NDRG2: variants seen among roughly 807,000 people sequenced by gnomAD.
The protein encoded by NDRG2 is NDRG family member 2, also known as protein NDRG2.
NDRG2 carries 34 observed loss-of-function variants against 58.2 expected under a neutral mutation model. The ratio of observed to expected loss-of-function variants is 0.58; its 90% CI spans 0.44 to 0.78. The LOEUF (loss-of-function observed/expected upper bound fraction) is 0.78. NDRG2 is among the 30% of genes least tolerant of loss of function. The pLI is 0.00. For synonymous variants in NDRG2, 187 were observed against 175.9 expected (o/e 1.06, Z -0.50); for missense variants, 434 against 471.2 (o/e 0.92, Z 0.73).
upstream of NDRG2, among the ~76,000 whole-genome samples, chr14:21,026,140 ACACACG>A (rs1210561390): frequency 2.6e-5 from 4 of 151,816 alleles, no homozygotes; most frequent in South Asian, 2.1e-4. Flanking sequence ...GACTTTACAC[ACACACG>A]CACACGCACA....
At chr14:21,066,631 G>T (rs61978193) in intron 1 of NDRG2, among the ~76,000 whole-genome samples, 51,753 of 152,132 alleles carry the variant, frequency 0.34, 10,864 homozygotes, top group East Asian at 0.47. Context: ...ACCGTGCCCA[G>T]CCTGATTTAT....
intron 12 of NDRG2, 73 bp downstream of exon 12, chr14:21,018,690 C>T: frequency 6.2e-7 from 1 of 1,606,178 alleles, no homozygotes; most frequent in Non-Finnish European, 8.5e-7. Flanking sequence ...ATCCCCTTGG[C>T]AAGATACTCT....
Position 21,018,775 on chromosome 14 carries a change from A to T in NDRG2, c.801T>A (p.His267Gln). ...VMLVVGDQAP[H>Q]EDAVVECNSK... is the part of the protein sequence containing the mutation. The stretch of plus-strand genomic sequence containing the variant: ...ATTCCCTACTAACCACTGCATCTTC[A>T]TGAGGTGCTTGGTCTCCTACCACCA... Residue 267 changes from histidine to glutamine, a missense_variant, in exon 12 of 16, where the codon CAT becomes CAA. His to Gln is a conservative substitution (Grantham distance 24). Coordinates refer to ENST00000556147, the MANE Select transcript of NDRG2 (RefSeq NM_001320329.2). The T allele has an allele frequency of 6.2e-7, 1 of 1,614,124 alleles. No individual in the cohort carries two copies. Among genetic ancestry groups the T allele is most frequent in the Non-Finnish European group, 8.5e-7 (1 of 1,180,018 alleles).
chr14:21,045,813 T>A (rs1017260032), intron 1 of NDRG2, among the ~76,000 whole-genome samples: 1 of 152,208 alleles, frequency 6.6e-6, no homozygotes, highest in African/African-American at 2.4e-5. Context: ...CCTGTGGTGA[T>A]ACAGGTCAGA....
intron 1 of NDRG2, among the ~76,000 whole-genome samples, chr14:21,057,501 G>A (rs1885726715): frequency 6.6e-6 from 1 of 151,828 alleles, no homozygotes; most frequent in Admixed American, 6.6e-5. Context: ...ATACCTGGGA[G>A]TGTGGGAAGA....
chr14:21,018,997 G>C (rs115917046), intron 11 of NDRG2, 119 bp downstream of exon 11: 1 of 1,280,926 alleles, frequency 7.8e-7, no homozygotes. Context: ...TTACCAAATA[G>C]GATGGGGTGG....
chr14:21,017,683 C>G lies in NDRG2; in HGVS notation c.1029G>C (p.Arg343=). The G allele has an allele frequency of 6.2e-7, 1 of 1,610,892 alleles. No individual in the cohort carries two copies. The highest frequency in any genetic ancestry group is 8.5e-7 in the Non-Finnish European group (1 of 1,178,516). Residue 343 remains arginine, a synonymous_variant, in exon 16 of 16, where the codon CGG becomes CGC. Coordinates refer to ENST00000556147, the MANE Select transcript of NDRG2 (RefSeq NM_001320329.2). The part of the protein sequence containing the change: ...LTSAASVDGN[R]SRSRTLSQSS... ...TCTGGGACAGGGTGCGAGAGCGGGA[C>G]CGGTTGCCATCAACGGATGCTGCAC... is the stretch of plus-strand genomic sequence containing the variant.
intron 1 of NDRG2, chr14:21,043,365 C>A (rs959774378): frequency 6.2e-7 from 1 of 1,614,144 alleles, no homozygotes; most frequent in African/African-American, 1.3e-5. Context: ...CAAAGAGAAG[C>A]GACAGAACAA....
At position 21,017,539 on chromosome 14, in the gene NDRG2, C is replaced by T. The variant is rs1877368557; in HGVS notation, c.*57G>A. ...GGCCCAATGCCCCTTCAGCACCTCC[C>T]AGGTTAGCTCTGGGGGAGGTGAGGG... On this transcript the variant is annotated 3_prime_UTR_variant, in exon 16 of 16. Transcript: ENST00000556147. 1 of 1,568,366 alleles carries T rather than the reference C, an allele frequency of 6.4e-7. No homozygotes were observed.
intron 1 of NDRG2, chr14:21,034,563 G>T (rs1452575232): frequency 2.5e-5 from 10 of 407,622 alleles, no homozygotes; most frequent in Non-Finnish European, 8.8e-6. Context: ...AGCTCTAACT[G>T]GTCCTTGGGT....
At chr14:21,032,659 C>G (rs1029215069) in intron 1 of NDRG2, 2 of 342,220 alleles carry the variant, frequency 5.8e-6, no homozygotes, top group African/African-American at 4.4e-5. Flanking sequence ...CTAAGTTTTA[C>G]CCCACATCAC....
upstream of NDRG2, among the ~76,000 whole-genome samples, chr14:21,027,769 C>T (rs969115005): frequency 2.0e-5 from 3 of 152,204 alleles, no homozygotes; most frequent in African/African-American, 7.2e-5. Context: ...GGCTGTGGCC[C>T]ACAGTCTAGA....
In NDRG2 at chr14:21,024,630, G is replaced by T; in HGVS notation, c.-607C>A. Reference sequence around the variant, plus strand: ...GTGTAGGTCCCACGAGTGGAGAAAGGGAGAGGAGAGCGGTCCCACAATCTT... The same window carrying T: ...GTGTAGGTCCCACGAGTGGAGAAAGTGAGAGGAGAGCGGTCCCACAATCTT... On this transcript the variant is annotated 5_prime_UTR_variant, in exon 1 of 16. Transcript: ENST00000556147. 1 of 984,180 alleles carries T rather than the reference G, an allele frequency of 1.0e-6. No homozygotes were observed. The highest frequency in any genetic ancestry group is 1.2e-6 in the Non-Finnish European group (1 of 829,548). The allele number at this position is 984,180 out of a possible 1,614,324, so 61.0% of individuals were successfully genotyped here.
intron 1 of NDRG2, among the ~76,000 whole-genome samples, chr14:21,068,555 A>G (rs1042042804): frequency 6.6e-6 from 1 of 152,008 alleles, no homozygotes; most frequent in Non-Finnish European, 1.5e-5. Context: ...CAGGTGAATA[A>G]GGTTTTTTAA....
chr14:21,048,621 A>C (rs1885318396), intron 1 of NDRG2: 1 of 152,212 alleles, frequency 6.6e-6, no homozygotes, highest in African/African-American at 2.4e-5. Flanking sequence ...CTTCACTACC[A>C]CTTCACAAGA....
upstream of NDRG2, chr14:21,030,757 G>A (rs557577765): frequency 6.2e-7 from 1 of 1,613,368 alleles, no homozygotes; most frequent in African/African-American, 1.3e-5. Flanking sequence ...AAAGTCAAGT[G>A]AGGAGCCAAA....
chr14:21,064,617 C>T (rs1178947342), intron 1 of NDRG2, among the ~76,000 whole-genome samples: 1 of 152,092 alleles, frequency 6.6e-6, no homozygotes, highest in African/African-American at 2.4e-5. Context: ...GATGCTTTAA[C>T]TAAAGACAAT....
chr14:21,021,685 G>T, intron 6 of NDRG2, 132 bp downstream of exon 6: 1 of 979,170 alleles, frequency 1.0e-6, no homozygotes, highest in Non-Finnish European at 1.5e-6. Context: ...CAAGGCGGGA[G>T]CATGAAGGAA....
intron 1 of NDRG2, chr14:21,034,403 C>T: frequency 1.3e-6 from 1 of 746,682 alleles, no homozygotes; most frequent in Non-Finnish European, 2.2e-6. Context: ...GAGATCATCT[C>T]ACCCATAACC....
Sources: gnomAD v4.1 joint callset for allele counts (sites outside exome capture counted in the v4.1 genomes callset) on GRCh38, gnomAD v4.1.1 for gene constraint, MANE v1.5 for transcripts, NCBI Gene and HGNC (gene_info 2026-07-23, HGNC 2026-07-21) for gene names.